Variants in CNNM2 observed in about 807,000 individuals in gnomAD.
CNNM2 encodes the protein cyclin and CBS domain divalent metal cation transport mediator 2.
In CNNM2, 12 loss-of-function variants were observed where a neutral mutation model predicts 66.9. That is an observed-to-expected ratio of 0.18 (90% CI 0.11 to 0.29). CNNM2 has a LOEUF of 0.29. Ranked by LOEUF, CNNM2 falls within the 10% of genes least tolerant of loss-of-function variation. The pLI, the probability that CNNM2 is intolerant of heterozygous loss-of-function variation, is 1.00. For synonymous variants in CNNM2, 557 were observed against 501.8 expected (o/e 1.11, Z -1.47); for missense variants, 705 against 1,167.7 (o/e 0.60, Z 5.77).
rs1393495103 is a variant in CNNM2, at chr10:103,054,931, G to A, written c.1903+465G>A. ...ACATCAGTGGTAACACAGGGGCTGT[G>A]ATTTGCAAAGAAGAAAACTAGGTTT... is the stretch of plus-strand genomic sequence containing the variant. On this transcript the variant is annotated intron_variant, in intron 3 of 7. Coordinates refer to ENST00000369878, the MANE Select transcript of CNNM2 (RefSeq NM_017649.5). The surrounding 1 kb of genome is among the most constrained non-coding windows in gnomAD (Gnocchi z 5.2). Among the ~76,000 whole-genome samples the A allele has an allele frequency of 6.6e-6, 1 of 152,194 alleles. No individual in the cohort carries two copies. Among genetic ancestry groups the A allele is most frequent in the East Asian group, 1.9e-4 (1 of 5,196 alleles).
At position 103,080,616 on chromosome 10, in the gene CNNM2, A is replaced by G. The variant is rs1417111709; in HGVS notation, c.*3436A>G. ...GTGGGAGGGAGTGGGGCATCTTACCATCTTCTAATGTGACTTCAAGGAACA... is the reference window on the plus strand; with the variant it reads ...GTGGGAGGGAGTGGGGCATCTTACCGTCTTCTAATGTGACTTCAAGGAACA... On this transcript the variant is annotated 3_prime_UTR_variant, in exon 8 of 8. Transcript: ENST00000369878. 1 of 152,128 alleles carries G rather than the reference A, an allele frequency of 6.6e-6. No individual in the cohort carries two copies. The allele number at this position is 152,128 out of a possible 1,614,324, so 9.4% of individuals were successfully genotyped here.
At chr10:103,017,286 T>A (rs1008336469) in intron 1 of CNNM2, among the ~76,000 whole-genome samples, 1 of 152,170 alleles carries the variant, frequency 6.6e-6, no homozygotes, top group African/African-American at 2.4e-5. Flanking sequence ...AGACGTACGA[T>A]GGAGGATGTC....
chr10:102,918,645 C>T lies in CNNM2; in HGVS notation c.165C>T (p.Ser55=). 6.5e-7 allele frequency: 1 copy of T among 1,548,872 alleles called. No homozygotes were observed. Among genetic ancestry groups the T allele is most frequent in the Non-Finnish European group, 8.7e-7 (1 of 1,147,262 alleles). The change falls in exon 1 of 8, where the codon AGC becomes AGT. Residue 55 remains serine, a synonymous_variant. Transcript: ENST00000369878. The surrounding 1 kb of genome is among the most constrained non-coding windows in gnomAD (Gnocchi z 4.1). The part of the protein sequence containing the change: ...AGRLLPLLLL[S]CCCGAGGCAA... ...GGCTGCTGCCGCTGCTCCTGCTGAGCTGCTGCTGCGGTGCGGGCGGCTGCG... is the reference window on the plus strand; with the variant it reads ...GGCTGCTGCCGCTGCTCCTGCTGAGTTGCTGCTGCGGTGCGGGCGGCTGCG...
chr10:103,016,467 G>A lies in CNNM2; in HGVS notation c.1622-33240G>A, dbSNP rs146711092. 1.3e-3 allele frequency among the ~76,000 whole-genome samples: 197 copies of A among 152,282 alleles called. 1 individual carries two copies. The highest frequency in any genetic ancestry group is 4.4e-3 in the African/African-American group (184 of 41,548). ...AGGAGACGGCAGTGAATCAGGTCAT[G>A]TCCCTGCCTTCGTGGATTCAGTATC... On this transcript the variant is annotated intron_variant, in intron 1 of 7. Coordinates refer to ENST00000369878, the MANE Select transcript of CNNM2 (RefSeq NM_017649.5).
intron 1 of CNNM2, among the ~76,000 whole-genome samples, chr10:102,995,370 G>T (rs755126693): frequency 1.8e-4 from 27 of 150,014 alleles, no homozygotes; most frequent in Non-Finnish European, 4.4e-5. Flanking sequence ...GTGCCACTAT[G>T]CCCAGCTAAT....
At chr10:102,930,452 G>GA (rs2134165623) in intron 1 of CNNM2, among the ~76,000 whole-genome samples, 1 of 152,256 alleles carries the variant, frequency 6.6e-6, no homozygotes, top group Admixed American at 6.5e-5. Context: ...CTGATCTTGT[G>GA]AAAACTAACC....
In CNNM2 at chr10:102,935,158, CAAAAAAAAA is replaced by C. The variant is rs71753183; in HGVS notation, c.1621+15073_1621+15081del. ...TGGGCGACAGAGCGAGACTCCATCTCAAAAAAAAAAAAAAAAAAAAAAAAGACTTTGGGC... is the reference window on the plus strand; with the variant it reads ...TGGGCGACAGAGCGAGACTCCATCTCAAAAAAAAAAAAAAAGACTTTGGGC... On this transcript the variant is annotated intron_variant, in intron 1 of 7. Coordinates refer to ENST00000369878, the MANE Select transcript of CNNM2 (RefSeq NM_017649.5). Among the ~76,000 whole-genome samples, 77 of 82,484 alleles carry C rather than the reference CAAAAAAAAA, an allele frequency of 9.3e-4. 1 individual carries two copies. The highest frequency in any genetic ancestry group is 3.0e-3 in the African/African-American group (62 of 20,570). 54.1% of individuals were successfully genotyped at this position (82,484 alleles called of 152,430 possible). A position where few individuals can be genotyped will look rare whatever the true frequency, so the allele number is the denominator to read the frequency against.
intron 1 of CNNM2, among the ~76,000 whole-genome samples, chr10:103,001,402 A>G (rs1353408451): frequency 1.3e-5 from 2 of 152,128 alleles, no homozygotes; most frequent in African/African-American, 4.8e-5. Context: ...AGTAATGAAG[A>G]CTCTGTGTTA....
At chr10:102,973,502 CTGTGTG>C (rs533098295) in intron 1 of CNNM2, among the ~76,000 whole-genome samples, 1 of 149,252 alleles carries the variant, frequency 6.7e-6, no homozygotes, top group Non-Finnish European at 1.5e-5. Flanking sequence ...TGCTAATTTT[CTGTGTG>C]TGTGTGTGTG....
chr10:103,006,364 G>T (rs940088858), intron 1 of CNNM2, among the ~76,000 whole-genome samples: 2 of 151,632 alleles, frequency 1.3e-5, no homozygotes, highest in Admixed American at 1.3e-4. Context: ...CTGCTGCCAC[G>T]CCCAGCTAAT....
intron 4 of CNNM2, among the ~76,000 whole-genome samples, chr10:103,064,675 T>TA (rs1477865152): frequency 1.7e-4 from 26 of 152,116 alleles, no homozygotes; most frequent in Admixed American, 4.6e-4. Flanking sequence ...CCCGTCTCTA[T>TA]AAAAAAATAG....
Position 103,054,985 on chromosome 10 carries a change from T to C in CNNM2, c.1903+519T>C, listed in dbSNP as rs2065273455. 6.6e-6 allele frequency among the ~76,000 whole-genome samples: 1 copy of C among 152,232 alleles called. No homozygotes were observed. The highest frequency in any genetic ancestry group is 6.5e-5 in the Admixed American group (1 of 15,290). On this transcript the variant is annotated intron_variant, in intron 3 of 7. Coordinates refer to ENST00000369878, the MANE Select transcript of CNNM2 (RefSeq NM_017649.5). This position sits in a 1 kb window ranked among gnomAD's most constrained non-coding sequence, Gnocchi z 5.2. ...CAATTAAATCTTTATCTTTTATGAT[T>C]TTAATGAAATCAAATTCTAAGAACT...
chr10:102,995,154 C>CTTCCTCCTCCTCTTCCCCTTT (rs1465823884), intron 1 of CNNM2, among the ~76,000 whole-genome samples: 3 of 110,368 alleles, frequency 2.7e-5, no homozygotes, highest in Admixed American at 8.3e-5. Context: ...TCCTCCTCCC[C>CTTCCTCCTCCTCTTCCCCTTT]CTCTTCCTCC....
chr10:103,009,916 A>T (rs966386412), intron 1 of CNNM2, among the ~76,000 whole-genome samples: 2 of 151,000 alleles, frequency 1.3e-5, no homozygotes, highest in Non-Finnish European at 2.9e-5. Context: ...TGGCTGTCAC[A>T]TGCAAATGGA....
intron 1 of CNNM2, among the ~76,000 whole-genome samples, chr10:102,996,024 T>C (rs187045381): frequency 6.4e-4 from 98 of 152,318 alleles, no homozygotes; most frequent in Non-Finnish European, 8.5e-4. Context: ...TTTTAAGGAA[T>C]TGGTCCATTT....
chr10:103,044,167 T>C (rs2065090029), intron 1 of CNNM2, among the ~76,000 whole-genome samples: 1 of 152,248 alleles, frequency 6.6e-6, no homozygotes, highest in Admixed American at 6.5e-5. Context: ...CAGTTTATCA[T>C]CTTTTTAAGT....
At chr10:102,937,856 C>T (rs1450398211) in intron 1 of CNNM2, among the ~76,000 whole-genome samples, 2 of 150,824 alleles carry the variant, frequency 1.3e-5, no homozygotes, top group Non-Finnish European at 3.0e-5. Context: ...AACTATTGGG[C>T]TCAAACAATC....
chr10:102,993,166 G>A (rs959905111), intron 1 of CNNM2, among the ~76,000 whole-genome samples: 1 of 152,204 alleles, frequency 6.6e-6, no homozygotes, highest in Non-Finnish European at 1.5e-5. Context: ...GCCTACCATA[G>A]CATTTGGATT....
intron 1 of CNNM2, among the ~76,000 whole-genome samples, chr10:102,970,907 G>A (rs1590329450): frequency 6.6e-6 from 1 of 152,152 alleles, no homozygotes; most frequent in African/African-American, 2.4e-5. Flanking sequence ...GTTAGTCTCT[G>A]GGGCTTGGTG....
Sources: gnomAD v4.1 joint callset for allele counts (sites outside exome capture counted in the v4.1 genomes callset) on GRCh38, gnomAD v4.1.1 for gene constraint, Gnocchi (gnomAD v3.1) non-coding constraint, MANE v1.5 for transcripts, NCBI Gene and HGNC (gene_info 2026-07-23, HGNC 2026-07-21) for gene names.